Variants in ZNF609 observed in about 807,000 individuals in gnomAD.
The protein encoded by ZNF609 is zinc finger protein 609.
Under a neutral mutation model 109.5 loss-of-function variants are expected in ZNF609, and 11 were observed. The ratio of observed to expected loss-of-function variants is 0.10; its 90% confidence interval spans 0.06 to 0.17. The LOEUF (loss-of-function observed/expected upper bound fraction) is 0.17, where lower values mean the gene tolerates loss of function less well. Among genes scored for constraint, ZNF609 ranks in the 10% least tolerant of loss-of-function variants. The pLI, the probability that ZNF609 is intolerant of heterozygous loss-of-function variation, is 1.00. For synonymous variants in ZNF609, 646 were observed against 662.0 expected, an observed-to-expected ratio of 0.98 and a Z score of 0.37; for missense variants, 1,559 against 1,772.4, an observed-to-expected ratio of 0.88 and a Z score of 2.16.
At chr15:64,466,160 T>G (rs1893012135) in intron 1 of ZNF609, among the ~76,000 whole-genome samples, 2 of 150,674 alleles carry the variant, frequency 1.3e-5, no homozygotes, top group Non-Finnish European at 3.0e-5. Context: ...GGTATAGCAT[T>G]TCCTATAACT....
At chr15:64,472,587 G>T (rs111476459) in intron 1 of ZNF609, among the ~76,000 whole-genome samples, 1 of 152,102 alleles carries the variant, frequency 6.6e-6, no homozygotes, top group Non-Finnish European at 1.5e-5. Flanking sequence ...AATATAAGAC[G>T]GGTGCGGTGG....
intron 2 of ZNF609, chr15:64,593,277 G>T: frequency 1.3e-6 from 2 of 1,511,518 alleles, no homozygotes; most frequent in Non-Finnish European, 1.8e-6. Context: ...CCCCCACCCC[G>T]ATTTAGACCT....
chr15:64,519,312 A>T (rs1037075870), intron 2 of ZNF609, among the ~76,000 whole-genome samples: 7 of 152,150 alleles, frequency 4.6e-5, no homozygotes, highest in Non-Finnish European at 8.8e-5. Context: ...TATTAATGTG[A>T]ACACATAAAT....
intron 2 of ZNF609, among the ~76,000 whole-genome samples, chr15:64,598,906 G>T (rs1353646518): frequency 6.7e-6 from 1 of 150,094 alleles, no homozygotes; most frequent in African/African-American, 2.4e-5. Flanking sequence ...AACCAATACT[G>T]CATAAAAGTC....
At chr15:64,575,773 G>A (rs1894941262) in intron 2 of ZNF609, among the ~76,000 whole-genome samples, 1 of 152,174 alleles carries the variant, frequency 6.6e-6, no homozygotes, top group Admixed American at 6.5e-5. Flanking sequence ...TTCTAACCAA[G>A]CAAGCTGGTT....
At chr15:64,553,653 C>T (rs2140395571) in intron 2 of ZNF609, among the ~76,000 whole-genome samples, 1 of 151,460 alleles carries the variant, frequency 6.6e-6, no homozygotes. Flanking sequence ...GGCTGGAGTG[C>T]AGTGGCGCAA....
At chr15:64,666,300 A>C (rs1366472471) in intron 3 of ZNF609, among the ~76,000 whole-genome samples, 1 of 151,996 alleles carries the variant, frequency 6.6e-6, no homozygotes, top group Non-Finnish European at 1.5e-5. Context: ...AGGCTGAGGC[A>C]CAAGAATTGC....
chr15:64,596,939 T>C lies in ZNF609; in HGVS notation c.748-25888T>C, dbSNP rs1464517500. 2.0e-5 allele frequency among the ~76,000 whole-genome samples: 3 copies of C among 152,354 alleles called. No individual in the cohort carries two copies. The East Asian group carries it at 5.8e-4, about 29-fold the overall frequency. On this transcript the variant is annotated intron_variant, in intron 2 of 9. Transcript: ENST00000326648. ...GAAACTAAAAGCTGTACTTAACTGC[T>C]ATGCTGATAGTTGTCTTAGGCAGTT...
chr15:64,611,205 G>A (rs886886167), intron 2 of ZNF609, among the ~76,000 whole-genome samples: 1 of 152,138 alleles, frequency 6.6e-6, no homozygotes, highest in African/African-American at 2.4e-5. Context: ...ACAGGAATAG[G>A]AGGGATTATC....
chr15:64,505,095 T>C (rs956222767), intron 2 of ZNF609, among the ~76,000 whole-genome samples: 10 of 152,182 alleles, frequency 6.6e-5, no homozygotes. Flanking sequence ...AAACAAAGGA[T>C]CTTTGAGTTT....
At chr15:64,563,644 C>T (rs1894724159) in intron 2 of ZNF609, among the ~76,000 whole-genome samples, 1 of 151,640 alleles carries the variant, frequency 6.6e-6, no homozygotes, top group African/African-American at 2.4e-5. Context: ...GGCATGGTGG[C>T]GCATGCCTGT....
intron 2 of ZNF609, among the ~76,000 whole-genome samples, chr15:64,620,775 TAAGCCAAGAAGTCA>T (rs1161786148): frequency 1.3e-5 from 2 of 152,202 alleles, no homozygotes; most frequent in Non-Finnish European, 2.9e-5. Flanking sequence ...GATGACTTTC[TAAGCCAAGAAGTCA>T]GAGCCAACTG....
In ZNF609 at chr15:64,675,309, A is replaced by C; in HGVS notation, c.2455A>C (p.Thr819Pro). Residue 819 changes from threonine to proline, a missense_variant, in exon 5 of 10, where the codon ACT becomes CCT. By Grantham distance (38) the Thr-to-Pro change is conservative. Around this residue, in one of 4 missense-constraint regions of ZNF609, gnomAD observed 1,204 missense variants for 1,314.1 expected, o/e 0.92. Coordinates refer to ENST00000326648, the MANE Select transcript of ZNF609 (RefSeq NM_015042.2). ...GSSRLENTTPTQPLTPLHVVT... is the reference protein window; with the variant it reads ...GSSRLENTTPPQPLTPLHVVT... ...TAGCCGCCTTGAAAACACTACCCCT[A>C]CTCAGCCCCTGACTCCCTTACATGT... The C allele has an allele frequency of 1.2e-6, 2 of 1,613,842 alleles. No homozygotes were observed. Among genetic ancestry groups the C allele is most frequent in the South Asian group, 1.1e-5 (1 of 91,060 alleles).
chr15:64,594,923 G>C (rs1250594542), intron 2 of ZNF609, among the ~76,000 whole-genome samples: 2 of 150,282 alleles, frequency 1.3e-5, no homozygotes, highest in African/African-American at 4.9e-5. Flanking sequence ...CTACTCGGGA[G>C]GCTGAGGCAG....
At chr15:64,666,074 CAAA>C (rs35347624) in intron 3 of ZNF609, among the ~76,000 whole-genome samples, 2 of 134,422 alleles carry the variant, frequency 1.5e-5, no homozygotes, top group Non-Finnish European at 3.1e-5. Context: ...GACTTCGTCT[CAAA>C]AAAAAAAAAA....
At chr15:64,471,609 AGT>A (rs946089855) in intron 1 of ZNF609, among the ~76,000 whole-genome samples, 1 of 151,972 alleles carries the variant, frequency 6.6e-6, no homozygotes, top group African/African-American at 2.4e-5. Context: ...CCCAAGATGG[AGT>A]TTCTCTTTGT....
intron 2 of ZNF609, among the ~76,000 whole-genome samples, chr15:64,586,820 T>C (rs1388484319): frequency 6.6e-6 from 1 of 152,228 alleles, no homozygotes; most frequent in South Asian, 2.1e-4. Flanking sequence ...GAAATACTTC[T>C]CAAATTTATT....
chr15:64,477,466 T>C lies in ZNF609; in HGVS notation c.-128+16628T>C, dbSNP rs78567989. 1.7e-4 allele frequency among the ~76,000 whole-genome samples: 26 copies of C among 152,054 alleles called. No individual in the cohort carries two copies. The East Asian group carries it at 4.1e-3, about 24-fold the overall frequency. ...GCTTTACTTACCCTTTTCTAACTCT[T>C]CTACTTCATTATTTTTCTTGTTACC... On this transcript the variant is annotated intron_variant, in intron 1 of 9. Transcript: ENST00000326648.
chr15:64,483,407 G>T (rs970533547), intron 1 of ZNF609, among the ~76,000 whole-genome samples: 6 of 146,970 alleles, frequency 4.1e-5, no homozygotes, highest in Non-Finnish European at 9.0e-5. Context: ...TTTTTTTTGA[G>T]GCAAGTTCTT....
Sources: gnomAD v4.1 joint callset for allele counts (sites outside exome capture counted in the v4.1 genomes callset) on GRCh38, gnomAD v4.1.1 for gene constraint, gnomAD v4.1.1 regional missense constraint, MANE v1.5 for transcripts, NCBI Gene and HGNC (gene_info 2026-07-23, HGNC 2026-07-21) for gene names.